Variants in PTPRM observed in about 807,000 individuals in gnomAD.
PTPRM encodes the protein receptor-type tyrosine-protein phosphatase mu.
A neutral mutation model predicts 186.7 loss-of-function variants in PTPRM; 47 were observed. The ratio of observed to expected loss-of-function variants is 0.25; its 90% CI spans 0.20 to 0.32. The LOEUF (loss-of-function observed/expected upper bound fraction) is 0.32. Among genes scored for constraint, PTPRM ranks in the 10% least tolerant of loss-of-function variants. The probability of loss-of-function intolerance (pLI) is 1.00; values close to 1 mark genes in which losing one functional copy is unlikely to be tolerated. For missense variants in PTPRM, 1,494 were observed against 1,865.0 expected (o/e 0.80, Z 3.66); for synonymous variants, 668 against 674.9 (o/e 0.99, Z 0.16).
chr18:8,038,424 C>T (rs1713864444), intron 7 of PTPRM, among the ~76,000 whole-genome samples: 1 of 141,172 alleles, frequency 7.1e-6, no homozygotes, highest in Non-Finnish European at 1.5e-5. Flanking sequence ...CAGAGTCTCA[C>T]TCTGTCGCCC....
intron 9 of PTPRM, among the ~76,000 whole-genome samples, chr18:8,082,065 G>A (rs1464540410): frequency 6.6e-6 from 1 of 152,070 alleles, no homozygotes; most frequent in African/African-American, 2.4e-5. Context: ...GTGGAGCAAA[G>A]ATCCCACTTG....
intron 1 of PTPRM, among the ~76,000 whole-genome samples, chr18:7,717,879 G>A (rs2040371042): frequency 6.6e-6 from 1 of 152,156 alleles, no homozygotes; most frequent in South Asian, 2.1e-4. Flanking sequence ...TCACTGAAGT[G>A]GCTAGCCCTT....
chr18:7,608,963 GT>G (rs749953718), intron 1 of PTPRM, among the ~76,000 whole-genome samples: 25 of 152,246 alleles, frequency 1.6e-4, no homozygotes, highest in Non-Finnish European at 2.1e-4. Context: ...GCTAGTCCCT[GT>G]GCACCCCATA....
chr18:8,248,029 T>C (rs1288797303), intron 16 of PTPRM, 110 bp downstream of exon 16: 2 of 1,360,560 alleles, frequency 1.5e-6, no homozygotes, highest in Admixed American at 1.7e-5. Context: ...GTTTGAGATG[T>C]TGTAACCCAA....
intron 14 of PTPRM, among the ~76,000 whole-genome samples, chr18:8,169,607 A>G (rs1294921274): frequency 6.6e-6 from 1 of 152,164 alleles, no homozygotes; most frequent in Non-Finnish European, 1.5e-5. Flanking sequence ...GGCTATTATG[A>G]GATTCCGTAT....
intron 1 of PTPRM, among the ~76,000 whole-genome samples, chr18:7,651,723 C>A (rs971085596): frequency 2.0e-5 from 3 of 152,086 alleles, no homozygotes; most frequent in Non-Finnish European, 4.4e-5. Context: ...AACTGGATCC[C>A]TTCGTTACAC....
intron 2 of PTPRM, among the ~76,000 whole-genome samples, chr18:7,836,660 C>G (rs916645958): frequency 2.0e-5 from 3 of 152,150 alleles, no homozygotes; most frequent in Admixed American, 1.3e-4. Context: ...TTTAACATTT[C>G]TTGTAGGACA....
chr18:8,091,169 C>T (rs2090703613), intron 11 of PTPRM, among the ~76,000 whole-genome samples: 1 of 152,098 alleles, frequency 6.6e-6, no homozygotes. Flanking sequence ...TGTCAGAGTC[C>T]AAAATACATA....
intron 7 of PTPRM, among the ~76,000 whole-genome samples, chr18:7,974,162 C>T (rs900390750): frequency 2.0e-5 from 3 of 152,118 alleles, no homozygotes; most frequent in East Asian, 1.9e-4. Flanking sequence ...CTATGAAAGC[C>T]GAGTAGGCAC....
At chr18:7,872,060 T>G (rs189531797) in intron 2 of PTPRM, among the ~76,000 whole-genome samples, 1 of 152,366 alleles carries the variant, frequency 6.6e-6, no homozygotes, top group Admixed American at 6.5e-5. Flanking sequence ...TTAATTCAAC[T>G]AATTGAGTGC....
intron 13 of PTPRM, among the ~76,000 whole-genome samples, chr18:8,140,781 C>G (rs1008721685): frequency 6.6e-6 from 1 of 151,774 alleles, no homozygotes; most frequent in African/African-American, 2.4e-5. Context: ...AGAATACACA[C>G]AAGAAGAGAA....
At chr18:7,633,031 G>T (rs2038227953) in intron 1 of PTPRM, among the ~76,000 whole-genome samples, 1 of 152,172 alleles carries the variant, frequency 6.6e-6, no homozygotes, top group Non-Finnish European at 1.5e-5. Context: ...GCAGTGTTGA[G>T]ACAGCATATT....
chr18:8,064,377 A>ATT lies in PTPRM; in HGVS notation c.1133-5299_1133-5298dup, dbSNP rs35837245. 5.5e-3 allele frequency among the ~76,000 whole-genome samples: 811 copies of ATT among 148,510 alleles called. 4 individuals carry two copies. The highest frequency in any genetic ancestry group is 8.3e-3 in the Non-Finnish European group (554 of 66,984). ...TTTCCTTCATTTATTCTGTAAGACTATTTTTTTTTTTGCTTCTCTTAAACG... is the reference window on the plus strand; with the variant it reads ...TTTCCTTCATTTATTCTGTAAGACTATTTTTTTTTTTTTGCTTCTCTTAAACG... On this transcript the variant is annotated intron_variant, in intron 7 of 32. Coordinates refer to ENST00000580170, the MANE Select transcript of PTPRM (RefSeq NM_001105244.2).
At chr18:7,856,105 A>G (rs1182456522) in intron 2 of PTPRM, among the ~76,000 whole-genome samples, 3 of 152,156 alleles carry the variant, frequency 2.0e-5, no homozygotes, top group Non-Finnish European at 4.4e-5. Flanking sequence ...ACATTGAGCC[A>G]TATCTGATTT....
chr18:8,373,906 A>G (rs1393228829), intron 24 of PTPRM, among the ~76,000 whole-genome samples: 3 of 152,130 alleles, frequency 2.0e-5, no homozygotes, highest in African/African-American at 7.2e-5. Flanking sequence ...AAAAAAATTA[A>G]GTGACTCTCA....
chr18:7,693,389 A>G (rs939122313), intron 1 of PTPRM, among the ~76,000 whole-genome samples: 5 of 152,176 alleles, frequency 3.3e-5, no homozygotes, highest in Admixed American at 3.3e-4. Flanking sequence ...TAGGATTGGA[A>G]ACCAGACCAT....
chr18:7,638,141 C>T (rs2038362246), intron 1 of PTPRM, among the ~76,000 whole-genome samples: 1 of 152,138 alleles, frequency 6.6e-6, no homozygotes, highest in African/African-American at 2.4e-5. Context: ...GTATATGCCC[C>T]TTCTACTCTA....
At chr18:7,914,290 TA>T (rs1374166579) in intron 4 of PTPRM, among the ~76,000 whole-genome samples, 3 of 152,154 alleles carry the variant, frequency 2.0e-5, no homozygotes, top group Non-Finnish European at 4.4e-5. Flanking sequence ...AGTCGACTTC[TA>T]AAAGTTATTT....
At chr18:7,637,153 G>A (rs1303528004) in intron 1 of PTPRM, among the ~76,000 whole-genome samples, 1 of 142,732 alleles carries the variant, frequency 7.0e-6, no homozygotes, top group Non-Finnish European at 1.5e-5. Context: ...GGGTGACAGA[G>A]CGAGACCCTG....
Sources: gnomAD v4.1 joint callset for allele counts (sites outside exome capture counted in the v4.1 genomes callset) on GRCh38, gnomAD v4.1.1 for gene constraint, MANE v1.5 for transcripts, NCBI Gene and HGNC (gene_info 2026-07-23, HGNC 2026-07-21) for gene names.